MARVELD3: variants seen among roughly 807,000 people sequenced by gnomAD.
The protein encoded by MARVELD3 is MARVEL domain containing 3, also known as MARVEL domain-containing protein 3.
Under a neutral mutation model 33.5 loss-of-function variants are expected in MARVELD3, and 28 were observed. The observed-to-expected ratio is 0.84, with a 90% confidence interval of 0.62 to 1.15. The LOEUF (loss-of-function observed/expected upper bound fraction) is 1.15. Ranked by LOEUF, MARVELD3 falls within the 50% of genes most tolerant of loss-of-function variation. MARVELD3 has a pLI of 0.00. For missense variants in MARVELD3, 582 were observed against 547.6 expected, an observed-to-expected ratio of 1.06 and a Z score of -0.63; for synonymous variants, 241 against 230.4, an observed-to-expected ratio of 1.05 and a Z score of -0.42.
At chr16:71,630,432 C>G (rs1010989146) in intron 2 of MARVELD3, among the ~76,000 whole-genome samples, 4 of 152,042 alleles carry the variant, frequency 2.6e-5, no homozygotes, top group Non-Finnish European at 4.4e-5. Flanking sequence ...TCAAGACCAG[C>G]CTGACTAACA....
At chr16:71,637,398 G>C (rs1036309224), downstream of MARVELD3, among the ~76,000 whole-genome samples, 1 of 152,194 alleles carries the variant, frequency 6.6e-6, no homozygotes, top group African/African-American at 2.4e-5. Flanking sequence ...GGGAGAGAAA[G>C]GTGTAGGGTC....
chr16:71,629,818 A>G, intron 2 of MARVELD3: 1 of 382,910 alleles, frequency 2.6e-6, no homozygotes. Flanking sequence ...GCCAGCTGTC[A>G]GAGGAGGGAT....
downstream of MARVELD3, among the ~76,000 whole-genome samples, chr16:71,639,593 C>T (rs1041164188): frequency 1.2e-4 from 18 of 151,808 alleles, no homozygotes; most frequent in Middle Eastern, 6.8e-3. Flanking sequence ...ACTACAGGCA[C>T]GTGCTGCCAC....
chr16:71,627,993 G>C (rs529917454), intron 1 of MARVELD3, among the ~76,000 whole-genome samples: 28 of 152,184 alleles, frequency 1.8e-4, no homozygotes, highest in Admixed American at 1.8e-3. Context: ...GAGGAGTCAG[G>C]CTCCCCTCTC....
intron 2 of MARVELD3, among the ~76,000 whole-genome samples, chr16:71,631,915 T>C (rs1184305348): frequency 2.0e-5 from 3 of 152,228 alleles, no homozygotes; most frequent in African/African-American, 7.2e-5. Context: ...GTTTCATGAA[T>C]AGACCAACTG....
downstream of MARVELD3, chr16:71,639,103 C>T (rs1314366895): frequency 9.3e-6 from 1 of 107,492 alleles, no homozygotes; most frequent in Non-Finnish European, 1.7e-5. Context: ...CAGAGTTTCA[C>T]TCTTGTCGCC....
At chr16:71,628,500 G>A (rs2044496722) in intron 1 of MARVELD3, among the ~76,000 whole-genome samples, 1 of 151,128 alleles carries the variant, frequency 6.6e-6, no homozygotes, top group Non-Finnish European at 1.5e-5. Context: ...TCTCGACACT[G>A]CACTCCAGCC....
downstream of MARVELD3, chr16:71,641,163 A>G: frequency 8.8e-7 from 1 of 1,141,558 alleles, no homozygotes; most frequent in South Asian, 1.6e-5. Context: ...GCAAAGTTAA[A>G]GAATTGAGGA....
At chr16:71,641,279 C>G (rs2044617613), downstream of MARVELD3, 3 of 445,794 alleles carry the variant, frequency 6.7e-6, no homozygotes, top group Non-Finnish European at 1.2e-5. Context: ...ATAGCGAAAC[C>G]CTGTCTCTAC....
At chr16:71,631,865 A>C (rs959904023) in intron 2 of MARVELD3, among the ~76,000 whole-genome samples, 1 of 152,198 alleles carries the variant, frequency 6.6e-6, no homozygotes, top group African/African-American at 2.4e-5. Context: ...ATCGCACTTG[A>C]GAGAGCATCA....
rs780896995 is a variant in MARVELD3 at position 71,626,286 on chromosome 16, G to A, written c.57G>A (p.Pro19=). ...EPRARPRERD[P]GRRPHPDQGR... is the part of the protein sequence containing the mutation. ...GGGCCCGGCCGAGAGAGCGGGACCC[G>A]GGACGGCGCCCCCACCCAGACCAAG... The change falls in exon 1 of 3, where the codon CCG becomes CCA. Residue 19 remains proline (P), a synonymous_variant. Transcript: ENST00000268485. The surrounding 1 kb of genome is among the most constrained non-coding windows in gnomAD (Gnocchi z 5.3). The A allele has an allele frequency of 2.7e-5, 42 of 1,542,354 alleles. No individual in the cohort carries two copies. In the East Asian group the frequency reaches 9.8e-4, roughly 36 times the overall value.
At position 71,627,056 on chromosome 16, in the gene MARVELD3, G is replaced by T. The variant is rs1036712125; in HGVS notation, c.467+360G>T. On this transcript the variant is annotated intron_variant, in intron 1 of 2. Coordinates refer to ENST00000268485, the MANE Select transcript of MARVELD3 (RefSeq NM_052858.6). ...CCCGGCCCGGCCCGCATGGTCACAG[G>T]ACTGCGCCTTGGGGTTCAGACCCTT... Among the ~76,000 whole-genome samples, 23 of 152,230 alleles carry T rather than the reference G, an allele frequency of 1.5e-4. 1 individual carries two copies. The highest frequency in any genetic ancestry group is 8.3e-4 in the South Asian group (4 of 4,836).
At chr16:71,639,060 CTTTTTTTTTT>C (rs34319437), downstream of MARVELD3, 4 of 59,584 alleles carry the variant, frequency 6.7e-5, no homozygotes, top group Admixed American at 3.0e-4. Flanking sequence ...CAGACTGGTT[CTTTTTTTTTT>C]TTTTTTTTTT....
intron 2 of MARVELD3, among the ~76,000 whole-genome samples, chr16:71,631,594 C>T (rs890560298): frequency 1.3e-5 from 2 of 151,988 alleles, no homozygotes; most frequent in African/African-American, 2.4e-5. Flanking sequence ...GGAGGTAGCG[C>T]GTGCCACCAT....
downstream of MARVELD3, chr16:71,638,871 G>T (rs1208523181): frequency 6.6e-6 from 1 of 152,074 alleles, no homozygotes; most frequent in African/African-American, 2.4e-5. Flanking sequence ...ATGCAATCCA[G>T]AACTGTTCCC....
At position 71,626,459 on chromosome 16, in the gene MARVELD3, G is replaced by A. The variant is rs542749247; in HGVS notation, c.230G>A (p.Arg77Lys). ...CGCGACCGGAACCGGGACCGGGAGA[G>A]GGAGAGAGAGAGGGAAAGAGACCCG... ...GNRDRNRDRE[R>K]ERERERDPDR... is the part of the protein sequence containing the mutation. The change falls in exon 1 of 3, where the codon AGG becomes AAG. Residue 77 changes from arginine (R) to lysine (K), a missense_variant. Transcript: ENST00000268485. The surrounding 1 kb of genome is among the most constrained non-coding windows in gnomAD (Gnocchi z 5.3). The A allele has an allele frequency of 1.2e-5, 18 of 1,549,372 alleles. No individual in the cohort carries two copies. In the African/African-American group the frequency reaches 2.5e-4, roughly 21 times the overall value.
At chr16:71,627,341 A>G (rs948202502) in intron 1 of MARVELD3, among the ~76,000 whole-genome samples, 6 of 152,154 alleles carry the variant, frequency 3.9e-5, no homozygotes, top group Admixed American at 3.9e-4. Flanking sequence ...CGTCTTTACT[A>G]AAAATACAAA....
downstream of MARVELD3, chr16:71,641,094 G>A (rs953022395): frequency 2.4e-5 from 36 of 1,517,744 alleles, no homozygotes; most frequent in Non-Finnish European, 2.7e-5. Context: ...TTAAAACTCC[G>A]CATTAGACAA....
intron 2 of MARVELD3, 76 bp downstream of exon 2, chr16:71,629,570 C>A (rs765377383): frequency 7.1e-6 from 10 of 1,412,128 alleles, no homozygotes; most frequent in South Asian, 1.6e-5. Flanking sequence ...GCTGGTGAAG[C>A]AAAAATTTAA....
Sources: allele counts gnomAD v4.1 joint callset (sites outside exome capture counted in the v4.1 genomes callset), GRCh38; gene constraint gnomAD v4.1.1; non-coding constraint Gnocchi (gnomAD v3.1); transcripts MANE v1.5; gene names NCBI Gene and HGNC (gene_info 2026-07-23, HGNC 2026-07-21).